The following PEMT variants were observed in gnomAD, a reference collection of about 807,000 sequenced individuals.
PEMT encodes the protein phospholipid methyltransferase.
Under a neutral mutation model 27.4 loss-of-function variants are expected in PEMT, and 23 were observed. That is an observed-to-expected ratio of 0.84 (90% CI 0.60 to 1.19). The LOEUF is 1.19. PEMT is among the 50% of genes most tolerant of loss of function. PEMT has a pLI of 0.00. For synonymous variants in PEMT, 137 were observed against 139.1 expected (o/e 0.98, Z 0.11); for missense variants, 307 against 310.1 (o/e 0.99, Z 0.07).
At chr17:17,571,200 G>A (rs908302159) in intron 2 of PEMT, among the ~76,000 whole-genome samples, 1 of 152,056 alleles carries the variant, frequency 6.6e-6, no homozygotes, top group African/African-American at 2.4e-5. Flanking sequence ...CACACACAGT[G>A]CCTGGTGCAT....
In PEMT at chr17:17,512,756, TAG is replaced by T; in HGVS notation, c.321-104_321-103del. On this transcript the variant is annotated intron_variant, in intron 3 of 6. Coordinates refer to ENST00000255389, the MANE Select transcript of PEMT (RefSeq NM_148172.3). The surrounding 1 kb of genome is among the most constrained non-coding windows in gnomAD (Gnocchi z 6.3). Reference sequence around the variant, plus strand: ...TTCTCGCCCTCTCCCCAGGGACCCTTAGAGAGTAGCCAGCCCAGGGCTGCCAG... The same window carrying T: ...TTCTCGCCCTCTCCCCAGGGACCCTTAGAGTAGCCAGCCCAGGGCTGCCAG... 1 of 1,175,022 alleles carries T rather than the reference TAG, an allele frequency of 8.5e-7. No homozygotes were observed. Among genetic ancestry groups the T allele is most frequent in the Non-Finnish European group, 1.1e-6 (1 of 898,510 alleles). 72.8% of individuals were successfully genotyped at this position (1,175,022 alleles called of 1,614,324 possible). A position where few individuals can be genotyped will look rare whatever the true frequency, so the allele number is the denominator to read the frequency against.
At chr17:17,589,163 T>C (rs541172367) in intron 1 of PEMT, among the ~76,000 whole-genome samples, 62 of 152,328 alleles carry the variant, frequency 4.1e-4, no homozygotes, top group Non-Finnish European at 3.5e-4. Flanking sequence ...GATTTCTCCA[T>C]GTTGGTCAGG....
chr17:17,566,810 T>C (rs1478577783), intron 2 of PEMT, among the ~76,000 whole-genome samples: 1 of 152,162 alleles, frequency 6.6e-6, no homozygotes, highest in African/African-American at 2.4e-5. Flanking sequence ...TCACCAGCCA[T>C]GCTTAGCCTG....
chr17:17,512,682 C>T lies in PEMT; in HGVS notation c.321-28G>A, dbSNP rs142094793. On this transcript the variant is annotated intron_variant, in intron 3 of 6. Transcript: ENST00000255389. The surrounding 1 kb of genome is among the most constrained non-coding windows in gnomAD (Gnocchi z 6.3). ...GTGGGCAGGGGATGGAGAGGGAGGA[C>T]GTCATGGCCAGGGAGGATGTCACAG... 7.9e-4 allele frequency: 1,168 copies of T among 1,482,302 alleles called. 1 individual carries two copies. The highest frequency in any genetic ancestry group is 9.8e-4 in the Non-Finnish European group (1,085 of 1,106,974). 91.8% of individuals were successfully genotyped at this position (1,482,302 alleles called of 1,614,324 possible).
intron 5 of PEMT, chr17:17,508,163 G>A (rs1906046522): frequency 6.6e-6 from 1 of 152,630 alleles, no homozygotes. Flanking sequence ...AGAGGGGGGA[G>A]CCAGGTGTGT....
chr17:17,589,251 C>T (rs1348878039), intron 1 of PEMT, among the ~76,000 whole-genome samples: 6 of 151,440 alleles, frequency 4.0e-5, no homozygotes, highest in Admixed American at 2.6e-4. Context: ...CGTGAGCCAC[C>T]GTGCCCAGCC....
chr17:17,575,892 A>G (rs796708478), intron 2 of PEMT, among the ~76,000 whole-genome samples: 7 of 152,356 alleles, frequency 4.6e-5, no homozygotes, highest in African/African-American at 1.7e-4. Context: ...CACCAGATGG[A>G]GAAAAATCTC....
chr17:17,526,602 CAG>C (rs1907690149), intron 2 of PEMT, among the ~76,000 whole-genome samples: 1 of 152,218 alleles, frequency 6.6e-6, no homozygotes, highest in Non-Finnish European at 1.5e-5. Context: ...GGGTCCCACT[CAG>C]ATGGGAACGG....
chr17:17,506,395 T>A (rs1918249), intron 5 of PEMT, 94 bp from the exon 6 acceptor site: 603,032 of 906,958 alleles, frequency 0.66, 209,690 homozygotes, highest in Non-Finnish European at 0.74. Flanking sequence ...GCCGTGACCC[T>A]GGCCCTCCGG....
intron 1 of PEMT, among the ~76,000 whole-genome samples, chr17:17,590,834 G>T (rs1912548854): frequency 6.6e-6 from 1 of 152,200 alleles, no homozygotes; most frequent in Non-Finnish European, 1.5e-5. Flanking sequence ...TTGGAATTGG[G>T]AGCCTGGGGA....
chr17:17,531,696 A>T (rs75451176), intron 2 of PEMT, among the ~76,000 whole-genome samples: 3,386 of 150,646 alleles, frequency 0.022, 111 homozygotes, highest in East Asian at 0.093. Flanking sequence ...TTCAAGATGG[A>T]CTATAAATAG....
intron 3 of PEMT, among the ~76,000 whole-genome samples, chr17:17,516,875 C>A (rs1271090318): frequency 6.6e-6 from 1 of 152,216 alleles, no homozygotes; most frequent in Admixed American, 6.5e-5. Context: ...CTCATGGACC[C>A]CGCCCAGTGG....
chr17:17,569,327 C>T (rs1203072152), intron 2 of PEMT, among the ~76,000 whole-genome samples: 3 of 152,198 alleles, frequency 2.0e-5, no homozygotes, highest in Non-Finnish European at 2.9e-5. Flanking sequence ...GAGCCACCCC[C>T]GGCCCAATGG....
intron 2 of PEMT, among the ~76,000 whole-genome samples, chr17:17,545,011 G>GGACAA (rs1909150594): frequency 6.6e-6 from 1 of 152,146 alleles, no homozygotes; most frequent in South Asian, 2.1e-4. Context: ...GGGTTAACTT[G>GGACAA]GACAAGGCAC....
intron 2 of PEMT, among the ~76,000 whole-genome samples, chr17:17,562,764 G>A (rs544886909): frequency 5.3e-5 from 8 of 151,916 alleles, no homozygotes; most frequent in South Asian, 2.1e-4. Context: ...AGTGGAGATC[G>A]CACCACTGCA....
chr17:17,591,967 C>T, upstream of PEMT: 1 of 985,480 alleles, frequency 1.0e-6, no homozygotes, highest in African/African-American at 1.7e-5. Context: ...TGTAACTGAC[C>T]TGGCGTCCCT....
intron 2 of PEMT, among the ~76,000 whole-genome samples, chr17:17,544,563 C>G (rs1272134696): frequency 6.6e-6 from 1 of 152,128 alleles, no homozygotes; most frequent in Admixed American, 6.6e-5. Context: ...CGCATCCGGC[C>G]TCCAGCTTGT....
chr17:17,532,989 C>T (rs547058249), intron 2 of PEMT, among the ~76,000 whole-genome samples: 74 of 152,288 alleles, frequency 4.9e-4, no homozygotes, highest in African/African-American at 1.7e-3. Flanking sequence ...ATCGTGCTAT[C>T]GCACTCCAGC....
At chr17:17,537,540 C>T in intron 2 of PEMT, among the ~76,000 whole-genome samples, 1 of 152,238 alleles carries the variant, frequency 6.6e-6, no homozygotes, top group Non-Finnish European at 1.5e-5. Context: ...TGGCCCAGGC[C>T]TCAGGCGAGA....
Sources: gnomAD v4.1 joint callset for allele counts (sites outside exome capture counted in the v4.1 genomes callset) on GRCh38, gnomAD v4.1.1 for gene constraint, Gnocchi (gnomAD v3.1) non-coding constraint, MANE v1.5 for transcripts, NCBI Gene and HGNC (gene_info 2026-07-23, HGNC 2026-07-21) for gene names.